Variants in PEX5L observed in about 807,000 individuals in gnomAD.
PEX5L encodes the protein PEX5-related protein.
In PEX5L, 30 loss-of-function variants were observed where a neutral mutation model predicts 84.0. The observed-to-expected ratio is 0.36, with a 90% CI of 0.27 to 0.48. PEX5L has a LOEUF of 0.48. Among genes scored for constraint, PEX5L ranks in the 20% least tolerant of loss-of-function variants. The pLI, the probability that PEX5L is intolerant of heterozygous loss-of-function variation, is 0.99. For synonymous variants in PEX5L, 270 were observed against 283.1 expected (o/e 0.95, Z 0.46); for missense variants, 533 against 754.6 (o/e 0.71, Z 3.44).
chr3:179,874,738 GTTTTTTTTT>G lies in PEX5L; in HGVS notation c.630-324_630-316del, dbSNP rs3836472. ...TAAAAAAATTATGGTTTTTTTTTTTGTTTTTTTTTTTTTTTTTTTTTTTTGGTAGGGGAA... is the reference window on the plus strand; with the variant it reads ...TAAAAAAATTATGGTTTTTTTTTTTGTTTTTTTTTTTTTTTGGTAGGGGAA... On this transcript the variant is annotated intron_variant, in intron 6 of 14. Coordinates refer to ENST00000467460, the MANE Select transcript of PEX5L (RefSeq NM_016559.3). 8.7e-5 allele frequency among the ~76,000 whole-genome samples: 4 copies of G among 45,992 alleles called. No individual in the cohort carries two copies. In the South Asian group the frequency reaches 4.6e-3, roughly 53 times the overall value. 30.2% of individuals were successfully genotyped at this position (45,992 alleles called of 152,430 possible).
At chr3:179,831,413 C>T (rs1732888921) in intron 8 of PEX5L, among the ~76,000 whole-genome samples, 2 of 151,642 alleles carry the variant, frequency 1.3e-5, no homozygotes, top group African/African-American at 4.9e-5. Flanking sequence ...TGAAGTAATT[C>T]ATAAAATTTG....
At chr3:180,002,650 C>T (rs1367513478) in intron 1 of PEX5L, among the ~76,000 whole-genome samples, 1 of 152,002 alleles carries the variant, frequency 6.6e-6, no homozygotes, top group Non-Finnish European at 1.5e-5. Flanking sequence ...TTGTCCAAAC[C>T]TGTATTTTTC....
At chr3:179,975,975 G>A (rs1785737425) in intron 1 of PEX5L, among the ~76,000 whole-genome samples, 1 of 152,220 alleles carries the variant, frequency 6.6e-6, no homozygotes, top group Admixed American at 6.5e-5. Context: ...GGATGTAGGT[G>A]TCTGTATCTA....
At chr3:179,899,634 A>C (rs1760627831) in intron 2 of PEX5L, among the ~76,000 whole-genome samples, 1 of 152,190 alleles carries the variant, frequency 6.6e-6, no homozygotes, top group African/African-American at 2.4e-5. Flanking sequence ...TGACTTTCTA[A>C]AATGTAGCCA....
intron 3 of PEX5L, among the ~76,000 whole-genome samples, chr3:179,895,931 T>C (rs1759109142): frequency 6.6e-6 from 1 of 152,174 alleles, no homozygotes; most frequent in African/African-American, 2.4e-5. Context: ...GTGATGAAGA[T>C]GAATCAATGT....
intron 7 of PEX5L, among the ~76,000 whole-genome samples, chr3:179,869,620 C>G (rs979826733): frequency 2.0e-5 from 3 of 152,168 alleles, no homozygotes; most frequent in African/African-American, 7.2e-5. Context: ...TTCCCATTCC[C>G]CTGTCTCTTG....
chr3:180,035,347 TATA>T (rs1201874498), intron 1 of PEX5L, among the ~76,000 whole-genome samples: 1 of 152,180 alleles, frequency 6.6e-6, no homozygotes, highest in Non-Finnish European at 1.5e-5. Context: ...ATTGATCATA[TATA>T]ATATTTAAAA....
chr3:179,958,944 G>T (rs148270858), intron 2 of PEX5L, among the ~76,000 whole-genome samples: 7,319 of 151,924 alleles, frequency 0.048, 589 homozygotes, highest in African/African-American at 0.17. Flanking sequence ...GGAGAATGGC[G>T]TGAACCCTAG....
At chr3:179,844,672 C>CA (rs576670961) in intron 8 of PEX5L, among the ~76,000 whole-genome samples, 2 of 151,610 alleles carry the variant, frequency 1.3e-5, no homozygotes, top group African/African-American at 4.8e-5. Context: ...ACTAAAAATA[C>CA]AAAAAAAATT....
At chr3:180,023,796 A>AGAGG (rs1162990433) in intron 1 of PEX5L, among the ~76,000 whole-genome samples, 4 of 148,602 alleles carry the variant, frequency 2.7e-5, no homozygotes, top group Admixed American at 2.0e-4. Context: ...AGAGAGAGAG[A>AGAGG]GGGAGAGACT....
chr3:179,962,085 A>T (rs1782216992), intron 2 of PEX5L, among the ~76,000 whole-genome samples: 5 of 51,532 alleles, frequency 9.7e-5, no homozygotes, highest in South Asian at 7.8e-4. Context: ...AAGATGTCAC[A>T]AAGTTTGTGA....
intron 9 of PEX5L, among the ~76,000 whole-genome samples, chr3:179,819,470 G>A (rs1270541681): frequency 6.6e-6 from 1 of 152,112 alleles, no homozygotes; most frequent in Non-Finnish European, 1.5e-5. Context: ...CCATGCCACT[G>A]GTATCACTTC....
At chr3:179,815,708 T>C (rs2111397) in intron 10 of PEX5L, among the ~76,000 whole-genome samples, 153 bp downstream of exon 10, 141,141 of 152,300 alleles carry the variant, frequency 0.93, 65,538 homozygotes, top group African/African-American at 0.98. Flanking sequence ...AAACGGGTAC[T>C]TATTTGTAAC....
At chr3:179,811,170 A>G (rs923537233) in intron 11 of PEX5L, among the ~76,000 whole-genome samples, 1 of 152,068 alleles carries the variant, frequency 6.6e-6, no homozygotes, top group Non-Finnish European at 1.5e-5. Flanking sequence ...CACATACATT[A>G]TGTATGTACA....
intron 7 of PEX5L, among the ~76,000 whole-genome samples, chr3:179,863,265 G>C (rs1321129819): frequency 6.6e-6 from 1 of 152,122 alleles, no homozygotes; most frequent in African/African-American, 2.4e-5. Context: ...AATGCTACAT[G>C]ACACTAGTCT....
At chr3:179,831,272 C>T (rs1280835360) in intron 8 of PEX5L, among the ~76,000 whole-genome samples, 1 of 150,828 alleles carries the variant, frequency 6.6e-6, no homozygotes, top group Admixed American at 6.6e-5. Context: ...TGAGATTGCA[C>T]CAGTCCACTC....
At chr3:179,829,509 A>T (rs1394910972) in intron 8 of PEX5L, among the ~76,000 whole-genome samples, 2 of 152,128 alleles carry the variant, frequency 1.3e-5, no homozygotes, top group Non-Finnish European at 2.9e-5. Flanking sequence ...TCCACCTTAA[A>T]ATGGGAGTAA....
intron 3 of PEX5L, among the ~76,000 whole-genome samples, chr3:179,892,463 A>T (rs1757913254): frequency 6.6e-6 from 1 of 152,160 alleles, no homozygotes; most frequent in Non-Finnish European, 1.5e-5. Context: ...TTTAGAGTAG[A>T]GATCTCATCC....
intron 4 of PEX5L, chr3:179,881,708 C>A (rs994008271): frequency 1.3e-5 from 2 of 152,120 alleles, no homozygotes; most frequent in African/African-American, 4.8e-5. Flanking sequence ...GATCCATACA[C>A]TGACAGAAAG....
Sources: allele counts gnomAD v4.1 joint callset (sites outside exome capture counted in the v4.1 genomes callset), GRCh38; gene constraint gnomAD v4.1.1; transcripts MANE v1.5; gene names NCBI Gene and HGNC (gene_info 2026-07-23, HGNC 2026-07-21).